The following KRT33A variants were observed in gnomAD, a reference collection of about 807,000 sequenced individuals.
KRT33A encodes the protein keratin, type I cuticular Ha3-I.
KRT33A carries 44 observed loss-of-function variants against 41.1 expected under a neutral mutation model. The observed-to-expected ratio is 1.07, with a 90% CI of 0.84 to 1.38. The LOEUF is 1.38. Among genes scored for constraint, KRT33A ranks in the 40% most tolerant of loss-of-function variants. The pLI, the probability that KRT33A is intolerant of heterozygous loss-of-function variation, is 0.00. For synonymous variants in KRT33A, 229 were observed against 227.8 expected (o/e 1.01, Z -0.05); for missense variants, 536 against 518.5 (o/e 1.03, Z -0.33).
Position 41,350,622 on chromosome 17 carries a change from T to C in KRT33A, c.146A>G (p.Glu49Gly). Residue 49 changes from glutamate to glycine, a missense_variant, in exon 1 of 7, where the codon GAG (glutamate) becomes GGG (glycine). Physicochemically the swap from Glu to Gly is moderately conservative, Grantham distance 98 (BLOSUM62 -2). Transcript: ENST00000007735. ...ANVSNCNWFC[E>G]GSFNGSEKET... Reference sequence around the variant, plus strand: ...CTTCTCACTGCCATTGAAGGAGCCCTCACAGAACCAGTTGCAGTTGCTCAC... The same window carrying C: ...CTTCTCACTGCCATTGAAGGAGCCCCCACAGAACCAGTTGCAGTTGCTCAC... 2 of 1,612,762 alleles carry C rather than the reference T, an allele frequency of 1.2e-6. No homozygotes were observed. Among genetic ancestry groups the C allele is most frequent in the Non-Finnish European group, 1.7e-6 (2 of 1,180,040 alleles).
In KRT33A at chr17:41,346,637, C is replaced by T. The variant is rs1451782414; in HGVS notation, c.908G>A (p.Ser303Asn). ...RDSLENTLTE[S>N]EARYSSQLSQ... The stretch of plus-strand genomic sequence containing the variant: ...CAGCTGGGAGCTGTAGCGGGCCTCG[C>T]TCTCTGTCAGCGTGTTTTCCAGAGA... Residue 303 changes from serine to asparagine, a missense_variant, in exon 6 of 7, where the codon AGC becomes AAC. Transcript: ENST00000007735. 1 of 1,614,116 alleles carries T rather than the reference C, an allele frequency of 6.2e-7. No individual in the cohort carries two copies. The highest frequency in any genetic ancestry group is 1.3e-5 in the African/African-American group (1 of 74,944).
At chr17:41,349,924 A>G (rs2017480617) in intron 1 of KRT33A, among the ~76,000 whole-genome samples, 1 of 152,172 alleles carries the variant, frequency 6.6e-6, no homozygotes, top group Admixed American at 6.5e-5. Context: ...CAAACATTTT[A>G]GGCTCTCACT....
rs759423717 is a variant in KRT33A at position 41,346,848 on chromosome 17, T to C, written c.872A>G (p.Asn291Ser). 39 of 1,612,478 alleles carry C rather than the reference T, an allele frequency of 2.4e-5. No individual in the cohort carries two copies. Among genetic ancestry groups the C allele is most frequent in the Non-Finnish European group, 2.9e-5 (34 of 1,180,014 alleles). Residue 291 changes from asparagine to serine, a missense_variant, in exon 5 of 7, where the codon AAC becomes AGC. By Grantham distance (46) the Asn-to-Ser change is conservative. Coordinates refer to ENST00000007735, the MANE Select transcript of KRT33A (RefSeq NM_004138.4). Reference protein sequence around the residue: ...ALEIELQAQHNLRDSLENTLT... With the variant: ...ALEIELQAQHSLRDSLENTLT... ...GCAGGTCTGAACAATACACACCAGGTTGTGCTGGGCCTGCAGCTCGATCTC... is the reference window on the plus strand; with the variant it reads ...GCAGGTCTGAACAATACACACCAGGCTGTGCTGGGCCTGCAGCTCGATCTC...
At chr17:41,350,200 A>G (rs558212190) in intron 1 of KRT33A, among the ~76,000 whole-genome samples, 3 of 152,208 alleles carry the variant, frequency 2.0e-5, no homozygotes, top group Non-Finnish European at 4.4e-5. Context: ...ATTACAGCTC[A>G]TTTATGCAAA....
chr17:41,346,602 G>T lies in KRT33A; in HGVS notation c.943C>A (p.Gln315Lys), dbSNP rs1240772933. 6.2e-7 allele frequency: 1 copy of T among 1,614,132 alleles called. No individual in the cohort carries two copies. The highest frequency in any genetic ancestry group is 8.5e-7 in the Non-Finnish European group (1 of 1,180,056). ...GACTCCACGTTGGTGATCAGTCTCT[G>T]CACCTGGGACAGCTGGGAGCTGTAG... ...ARYSSQLSQV[Q>K]RLITNVESQL... The change falls in exon 6 of 7, where the codon CAG becomes AAG. Residue 315 changes from glutamine (Q) to lysine (K), a missense_variant. Coordinates refer to ENST00000007735, the MANE Select transcript of KRT33A (RefSeq NM_004138.4).
chr17:41,348,241 A>G (rs1390290842), intron 3 of KRT33A, among the ~76,000 whole-genome samples: 3 of 152,224 alleles, frequency 2.0e-5, no homozygotes, highest in Non-Finnish European at 2.9e-5. Context: ...CTTCTGCCTC[A>G]TTACCCAGCT....
intron 2 of KRT33A, 36 bp from the exon 3 acceptor site, chr17:41,348,675 G>A: frequency 6.2e-7 from 1 of 1,610,764 alleles, no homozygotes; most frequent in Non-Finnish European, 8.5e-7. Context: ...AGGCTGGGCA[G>A]GAATAGGCCT....
intron 1 of KRT33A, 124 bp from the exon 2 acceptor site, chr17:41,349,552 C>G: frequency 2.3e-6 from 2 of 852,780 alleles, no homozygotes; most frequent in Non-Finnish European, 3.6e-6. Flanking sequence ...TTTCTATATA[C>G]AGCAGGTACT....
In KRT33A at chr17:41,346,299, TAAAAGGG is replaced by T; in HGVS notation, c.1098-70_1098-64del. On this transcript the variant is annotated intron_variant, in intron 6 of 6. Coordinates refer to ENST00000007735, the MANE Select transcript of KRT33A (RefSeq NM_004138.4). ...ATGAGCTGAAGAGATTGGAAAATAC[TAAAAGGG>T]CTTTGTGTAAGAATATTGTTCCTCC... 5 of 1,578,408 alleles carry T rather than the reference TAAAAGGG, an allele frequency of 3.2e-6. No individual in the cohort carries two copies. The Admixed American group carries it at 8.4e-5, about 27-fold the overall frequency.
chr17:41,348,860 CT>C (rs1220197165), intron 2 of KRT33A, among the ~76,000 whole-genome samples: 1 of 152,078 alleles, frequency 6.6e-6, no homozygotes, highest in Non-Finnish European at 1.5e-5. Context: ...ATTCAGGAGG[CT>C]AAGGGGAGAG....
rs995799673 is a variant in KRT33A, at chr17:41,347,239, A to G, written c.589-17T>C. On this transcript the variant is annotated splice_polypyrimidine_tract_variant and intron_variant, in intron 3 of 6. Transcript: ENST00000007735. ...GTTAACCTCCTGATGGAGAAAGGGC[A>G]AAATTTTAAATTTCACAAAGGATCT... 1.3e-6 allele frequency: 2 copies of G among 1,581,552 alleles called. No individual in the cohort carries two copies. The highest frequency in any genetic ancestry group is 2.2e-5 in the East Asian group (1 of 44,632).
chr17:41,349,096 A>G (rs2144267670), intron 2 of KRT33A, among the ~76,000 whole-genome samples: 1 of 152,304 alleles, frequency 6.6e-6, no homozygotes, highest in South Asian at 2.1e-4. Flanking sequence ...ATCGGGGGCC[A>G]ACACGTCTAC....
At chr17:41,346,339 TC>T in intron 6 of KRT33A, 103 bp from the exon 7 acceptor site, 2 of 1,579,652 alleles carry the variant, frequency 1.3e-6, no homozygotes, top group Non-Finnish European at 1.7e-6. Context: ...TCCTTGGACT[TC>T]CTCCAAACAA....
chr17:41,346,630 G>A lies in KRT33A; in HGVS notation c.915C>T (p.Ala305=). ...SLENTLTESE[A]RYSSQLSQVQ... ...CCTGGGACAGCTGGGAGCTGTAGCG[G>A]GCCTCGCTCTCTGTCAGCGTGTTTT... The change falls in exon 6 of 7, where the codon GCC becomes GCT. Residue 305 remains alanine, a synonymous_variant. Transcript: ENST00000007735. 6 of 1,614,234 alleles carry A rather than the reference G, an allele frequency of 3.7e-6. No homozygotes were observed. The highest frequency in any genetic ancestry group is 5.1e-6 in the Non-Finnish European group (6 of 1,180,046).
At chr17:41,349,247 T>C in intron 2 of KRT33A, 99 bp downstream of exon 2, 2 of 1,140,828 alleles carry the variant, frequency 1.8e-6, no homozygotes, top group Non-Finnish European at 2.6e-6. Flanking sequence ...AGAACATAGC[T>C]CAGTCACTGT....
At position 41,346,959 on chromosome 17, in the gene KRT33A, A is replaced by G. The variant is rs2017432977; in HGVS notation, c.761T>C (p.Leu254Pro). The G allele has an allele frequency of 6.2e-7, 1 of 1,613,718 alleles. No homozygotes were observed. The highest frequency in any genetic ancestry group is 2.2e-5 in the East Asian group (1 of 44,874). ...CGAGCTGGATACCACCTGCTTGTTC[A>G]GCTCCTCGGTCTGAAACACCCAAGG... ...EQWFATQTEELNKQVVSSSEQ... is the reference protein window; with the variant it reads ...EQWFATQTEEPNKQVVSSSEQ... The change falls in exon 5 of 7, where the codon CTG (leucine) becomes CCG (proline). Residue 254 changes from leucine to proline, a missense_variant. Physicochemically the swap from Leu to Pro is moderately conservative, Grantham distance 98. Transcript: ENST00000007735.
At chr17:41,348,767 G>T in intron 2 of KRT33A, 128 bp from the exon 3 acceptor site, 1 of 987,010 alleles carries the variant, frequency 1.0e-6, no homozygotes, top group South Asian at 1.7e-5. Flanking sequence ...CTTTTGTTTA[G>T]GTTTTCAGCA....
At chr17:41,349,100 C>G (rs777871910) in intron 2 of KRT33A, among the ~76,000 whole-genome samples, 8 of 152,128 alleles carry the variant, frequency 5.3e-5, no homozygotes, top group African/African-American at 1.9e-4. Context: ...GGGGCCAACA[C>G]GTCTACACTA....
rs755101197 is a variant in KRT33A, at chr17:41,346,102, T to G, written c.*17A>C. On this transcript the variant is annotated 3_prime_UTR_variant, in exon 7 of 7. Transcript: ENST00000007735. The stretch of plus-strand genomic sequence containing the variant: ...GGTGTGACTGATGCCTTTCTTCTCC[T>G]CCTGGTTGTGGGGCCTCTAGTACCC... 2 of 1,552,372 alleles carry G rather than the reference T, an allele frequency of 1.3e-6. No homozygotes were observed. Among genetic ancestry groups the G allele is most frequent in the Non-Finnish European group, 1.8e-6 (2 of 1,124,192 alleles).
Sources: allele counts gnomAD v4.1 joint callset (sites outside exome capture counted in the v4.1 genomes callset), GRCh38; gene constraint gnomAD v4.1.1; transcripts MANE v1.5; gene names NCBI Gene and HGNC (gene_info 2026-07-23, HGNC 2026-07-21).